Variants in TXNL4B observed in about 807,000 individuals in gnomAD.
The protein encoded by TXNL4B is thioredoxin like 4B, also known as thioredoxin-like protein 4B.
In TXNL4B, 12 loss-of-function variants were observed where a neutral mutation model predicts 13.0. The ratio of observed to expected loss-of-function variants is 0.92; its 90% CI spans 0.59 to 1.49. TXNL4B has a LOEUF of 1.49. Ranked by LOEUF, TXNL4B falls within the 40% of genes most tolerant of loss-of-function variation. The pLI, the probability that TXNL4B is intolerant of heterozygous loss-of-function variation, is 0.00. For synonymous variants in TXNL4B, 59 were observed against 58.9 expected, an observed-to-expected ratio of 1.00 and a Z score of -0.01; for missense variants, 214 against 173.6, an observed-to-expected ratio of 1.23 and a Z score of -1.31.
At chr16:72,086,920 T>C (rs1360683245) in intron 3 of TXNL4B, 118 bp from the exon 4 acceptor site, 1 of 779,786 alleles carries the variant, frequency 1.3e-6, no homozygotes, top group East Asian at 2.8e-5. Flanking sequence ...TCAATGAGAC[T>C]TCAGAAATAA....
Position 72,086,643 on chromosome 16 carries a change from G to C in TXNL4B, c.444C>G (p.Asp148Glu). The C allele has an allele frequency of 5.0e-6, 8 of 1,612,354 alleles. No homozygotes were observed. Among genetic ancestry groups the C allele is most frequent in the Non-Finnish European group, 5.9e-6 (7 of 1,178,574 alleles). The change falls in exon 4 of 4, where the codon GAC becomes GAG. Residue 148 changes from aspartate (D) to glutamate (E), a missense_variant. Coordinates refer to ENST00000268483, the MANE Select transcript of TXNL4B (RefSeq NM_017853.3). The part of the protein sequence containing the change: ...NIPKYDLLYQ[D>E]I ...TTTGACAGCAATTAATGTACTAAAT[G>C]TCTTGATAGAGAAGGTCATATTTGG...
rs936820946 is a variant in TXNL4B at position 72,093,566 on chromosome 16, G to C, written c.-237C>G. 1 of 152,350 alleles carries C rather than the reference G, an allele frequency of 6.6e-6. No individual in the cohort carries two copies. Among genetic ancestry groups the C allele is most frequent in the African/African-American group, 2.4e-5 (1 of 41,468 alleles). The allele number at this position is 152,350 out of a possible 1,614,324, so 9.4% of individuals were successfully genotyped here. On this transcript the variant is annotated 5_prime_UTR_variant, in exon 1 of 4. Transcript: ENST00000268483. ...GAAACCGAACAGAAAACGCACAAGC[G>C]CAGAAAAGAAACTCCTGGCCGTCGG... is the stretch of plus-strand genomic sequence containing the variant.
intron 2 of TXNL4B, 53 bp downstream of exon 2, chr16:72,090,565 G>A: frequency 1.3e-6 from 2 of 1,585,866 alleles, no homozygotes; most frequent in Middle Eastern, 1.7e-4. Flanking sequence ...AGATGCTGAA[G>A]TGAGAATATA....
intron 1 of TXNL4B, among the ~76,000 whole-genome samples, chr16:72,092,394 G>A (rs866103003): frequency 6.6e-6 from 1 of 151,378 alleles, no homozygotes; most frequent in Non-Finnish European, 1.5e-5. Flanking sequence ...GCCTGGGCAA[G>A]GCAACAAGAG....
chr16:72,090,903 G>C, intron 1 of TXNL4B, 117 bp from the exon 2 acceptor site: 2 of 823,156 alleles, frequency 2.4e-6, no homozygotes, highest in South Asian at 3.6e-5. Flanking sequence ...AAACATCATA[G>C]AAAGGTAACA....
rs944823941 is a variant in TXNL4B at position 72,086,509 on chromosome 16, A to G, written c.*128T>C. On this transcript the variant is annotated 3_prime_UTR_variant, in exon 4 of 4. Transcript: ENST00000268483. Reference sequence around the variant, plus strand: ...CTTTTCCTCAGGGGCCGGGTTTTCTACACGCAAGTCAAACCTCTTCTCCTC... The same window carrying G: ...CTTTTCCTCAGGGGCCGGGTTTTCTGCACGCAAGTCAAACCTCTTCTCCTC... The G allele has an allele frequency of 3.7e-6, 3 of 819,998 alleles. No individual in the cohort carries two copies. In the African/African-American group the frequency reaches 5.2e-5, roughly 14 times the overall value. 50.8% of individuals were successfully genotyped at this position (819,998 alleles called of 1,614,324 possible).
intron 2 of TXNL4B, chr16:72,090,203 G>A (rs2041883267): frequency 6.6e-6 from 3 of 456,770 alleles, no homozygotes; most frequent in Non-Finnish European, 4.4e-6. Flanking sequence ...TGCAGCTACA[G>A]AAAACTGAGT....
chr16:72,092,507 G>C (rs1395285739), intron 1 of TXNL4B, among the ~76,000 whole-genome samples: 1 of 152,142 alleles, frequency 6.6e-6, no homozygotes, highest in Non-Finnish European at 1.5e-5. Flanking sequence ...CAGGGACATT[G>C]ATGGCCCAAA....
At chr16:72,087,676 G>A (rs572334265) in intron 3 of TXNL4B, among the ~76,000 whole-genome samples, 38 of 151,668 alleles carry the variant, frequency 2.5e-4, no homozygotes, top group African/African-American at 8.5e-4. Flanking sequence ...TGTTGTTGTT[G>A]TTGTTTTGCG....
intron 3 of TXNL4B, 111 bp downstream of exon 3, chr16:72,088,876 A>G: frequency 1.3e-6 from 1 of 758,286 alleles, no homozygotes; most frequent in South Asian, 2.1e-5. Context: ...GGGAAACAGT[A>G]CTGATATAAG....
chr16:72,090,593 C>A (rs1057047839), intron 2 of TXNL4B, 25 bp downstream of exon 2: 11 of 1,611,558 alleles, frequency 6.8e-6, no homozygotes, highest in East Asian at 2.2e-5. Flanking sequence ...TTAATAAAAA[C>A]CAATTATTTT....
intron 1 of TXNL4B, among the ~76,000 whole-genome samples, chr16:72,091,395 C>G (rs1034574935): frequency 6.6e-6 from 1 of 152,184 alleles, no homozygotes; most frequent in African/African-American, 2.4e-5. Flanking sequence ...TTTGCTCATG[C>G]AACCACCGGC....
At position 72,085,276 on chromosome 16, in the gene TXNL4B, C is replaced by T; in HGVS notation, c.*1361G>A. On this transcript the variant is annotated 3_prime_UTR_variant, in exon 4 of 4. Coordinates refer to ENST00000268483, the MANE Select transcript of TXNL4B (RefSeq NM_017853.3). ...GGCTGGACTTGCAGTGACAGTGCTGCTCTGAACAGGACTAGGCTTCTGTTG... is the reference window on the plus strand; with the variant it reads ...GGCTGGACTTGCAGTGACAGTGCTGTTCTGAACAGGACTAGGCTTCTGTTG... 2.9e-6 allele frequency: 1 copy of T among 341,542 alleles called. No individual in the cohort carries two copies. Among genetic ancestry groups the T allele is most frequent in the Non-Finnish European group, 5.2e-6 (1 of 191,070 alleles). 21.2% of individuals were successfully genotyped at this position (341,542 alleles called of 1,614,324 possible).
chr16:72,086,737 T>C lies in TXNL4B; in HGVS notation c.350A>G (p.Glu117Gly). ...CCTCATTGCTCCTCGATAGATTACTTCAATCAAATCTATGAAGTCTTGTTT... is the reference window on the plus strand; with the variant it reads ...CCTCATTGCTCCTCGATAGATTACTCCAATCAAATCTATGAAGTCTTGTTT... ...KTKQDFIDLI[E>G]VIYRGAMRGK... is the part of the protein sequence containing the mutation. Residue 117 changes from glutamate to glycine, a missense_variant, in exon 4 of 4, where the codon GAA becomes GGA. Physicochemically the swap from Glu to Gly is moderately conservative, Grantham distance 98. Transcript: ENST00000268483. 1 of 1,613,856 alleles carries C rather than the reference T, an allele frequency of 6.2e-7. No homozygotes were observed.
rs1490306140 is a variant in TXNL4B at position 72,093,563 on chromosome 16, A to T, written c.-234T>A. On this transcript the variant is annotated 5_prime_UTR_variant, in exon 1 of 4. The change creates a new upstream start codon in the 5' untranslated region. Transcript: ENST00000268483. Reference sequence around the variant, plus strand: ...AAGGAAACCGAACAGAAAACGCACAAGCGCAGAAAAGAAACTCCTGGCCGT... The same window carrying T: ...AAGGAAACCGAACAGAAAACGCACATGCGCAGAAAAGAAACTCCTGGCCGT... 1 of 152,378 alleles carries T rather than the reference A, an allele frequency of 6.6e-6. No individual in the cohort carries two copies. Among genetic ancestry groups the T allele is most frequent in the African/African-American group, 2.4e-5 (1 of 41,480 alleles). 9.4% of individuals were successfully genotyped at this position (152,378 alleles called of 1,614,324 possible).
intron 3 of TXNL4B, chr16:72,087,363 T>A (rs2041838948): frequency 6.6e-6 from 1 of 151,296 alleles, no homozygotes; most frequent in Non-Finnish European, 1.5e-5. Flanking sequence ...TGTGTGTGTG[T>A]GTGTGTATGT....
chr16:72,088,718 T>A (rs1567596799), intron 3 of TXNL4B, among the ~76,000 whole-genome samples: 1 of 152,246 alleles, frequency 6.6e-6, no homozygotes. Flanking sequence ...CCACCTGTAC[T>A]ATTTCTTCAT....
chr16:72,087,252 G>C (rs2041836266), intron 3 of TXNL4B: 2 of 152,856 alleles, frequency 1.3e-5, no homozygotes, highest in Admixed American at 6.5e-5. Flanking sequence ...GTATGTTACT[G>C]TAAAAATTTT....
chr16:72,085,051 A>T lies in TXNL4B; in HGVS notation c.*1586T>A, dbSNP rs527823158. On this transcript the variant is annotated 3_prime_UTR_variant, in exon 4 of 4. Coordinates refer to ENST00000268483, the MANE Select transcript of TXNL4B (RefSeq NM_017853.3). ...CATGCATCATGATTAAACCAGAGACAGGAAGTGTACGATGGAAGAGGCCAG... is the reference window on the plus strand; with the variant it reads ...CATGCATCATGATTAAACCAGAGACTGGAAGTGTACGATGGAAGAGGCCAG... 2.0e-4 allele frequency: 80 copies of T among 398,482 alleles called. No homozygotes were observed. The highest frequency in any genetic ancestry group is 3.8e-4 in the South Asian group (3 of 7,858). The allele number at this position is 398,482 out of a possible 1,614,324, so 24.7% of individuals were successfully genotyped here.
Sources: gnomAD v4.1 joint callset for allele counts (sites outside exome capture counted in the v4.1 genomes callset) on GRCh38, gnomAD v4.1.1 for gene constraint, MANE v1.5 for transcripts, NCBI Gene and HGNC (gene_info 2026-07-23, HGNC 2026-07-21) for gene names.